Variants in CDH13 observed in about 807,000 individuals in gnomAD.
The protein encoded by CDH13 is cadherin-13.
Under a neutral mutation model 63.8 loss-of-function variants are expected in CDH13, and 24 were observed. The observed-to-expected ratio is 0.38, with a 90% CI of 0.27 to 0.53. The LOEUF is 0.53. CDH13 is among the 20% of genes least tolerant of loss of function. The probability of loss-of-function intolerance (pLI) is 0.85; values close to 1 mark genes in which losing one functional copy is unlikely to be tolerated. For missense variants in CDH13, 1,049 were observed against 903.1 expected, an observed-to-expected ratio of 1.16 and a Z score of -2.07; for synonymous variants, 503 against 355.3, an observed-to-expected ratio of 1.42 and a Z score of -4.67.
intron 3 of CDH13, among the ~76,000 whole-genome samples, chr16:83,080,882 T>TTTTTTTTG (rs2033197739): frequency 3.5e-5 from 4 of 114,900 alleles, no homozygotes; most frequent in Non-Finnish European, 7.1e-5. Flanking sequence ...TTTTTTTTTT[T>TTTTTTTTG]TTTTTTTTTT....
chr16:83,203,561 C>G (rs1309515724), intron 4 of CDH13, among the ~76,000 whole-genome samples: 1 of 149,528 alleles, frequency 6.7e-6, no homozygotes, highest in African/African-American at 2.5e-5. Flanking sequence ...GTGGTGGGTG[C>G]CTGTAGTCCC....
intron 5 of CDH13, among the ~76,000 whole-genome samples, chr16:83,287,289 T>G (rs938497918): frequency 6.6e-6 from 1 of 152,158 alleles, no homozygotes. Flanking sequence ...ACCAAAACTT[T>G]CATTCAGTAA....
intron 3 of CDH13, among the ~76,000 whole-genome samples, chr16:83,033,964 G>A (rs943575673): frequency 2.6e-5 from 4 of 152,022 alleles, no homozygotes; most frequent in African/African-American, 7.2e-5. Context: ...ATCCCTGCTT[G>A]ATCTACTCAT....
intron 2 of CDH13, among the ~76,000 whole-genome samples, chr16:82,980,317 G>C (rs147196355): frequency 6.6e-6 from 1 of 152,274 alleles, no homozygotes; most frequent in East Asian, 1.9e-4. Flanking sequence ...GTCAAAACTA[G>C]AGACTCACAG....
At chr16:83,341,573 T>A (rs1450328772) in intron 5 of CDH13, among the ~76,000 whole-genome samples, 2 of 152,212 alleles carry the variant, frequency 1.3e-5, no homozygotes. Context: ...TTATATATTT[T>A]ATTCAGTCTA....
intron 8 of CDH13, among the ~76,000 whole-genome samples, chr16:83,626,227 C>G (rs1405050679): frequency 2.0e-5 from 3 of 152,168 alleles, no homozygotes; most frequent in African/African-American, 7.2e-5. Flanking sequence ...CCGGTTTCAT[C>G]TTCCTCCTCG....
Position 83,191,609 on chromosome 16 carries a change from G to T in CDH13, c.484-25736G>T, listed in dbSNP as rs191184032. ...TTTATTAAATAGTATCAACTCACAT[G>T]ATCACAAGGTCCCACAATAGGCCAT... On this transcript the variant is annotated intron_variant, in intron 4 of 13. Transcript: ENST00000567109. Among the ~76,000 whole-genome samples, 470 of 145,930 alleles carry T rather than the reference G, an allele frequency of 3.2e-3. 3 individuals are homozygous for T. The highest frequency in any genetic ancestry group is 0.012 in the African/African-American group (455 of 39,414).
chr16:83,541,560 A>C (rs565819918), intron 7 of CDH13, among the ~76,000 whole-genome samples: 1 of 152,312 alleles, frequency 6.6e-6, no homozygotes, highest in South Asian at 2.1e-4. Context: ...ATTTGGTAGA[A>C]GTCATCAAAC....
At chr16:82,910,852 A>T (rs1441866888) in intron 2 of CDH13, among the ~76,000 whole-genome samples, 1 of 152,114 alleles carries the variant, frequency 6.6e-6, no homozygotes, top group Non-Finnish European at 1.5e-5. Context: ...GTTCTTTCTT[A>T]CCCAGAGGGT....
At chr16:83,627,275 G>C (rs1910396704) in intron 8 of CDH13, among the ~76,000 whole-genome samples, 1 of 152,068 alleles carries the variant, frequency 6.6e-6, no homozygotes, top group Admixed American at 6.6e-5. Context: ...GGGCAACAGA[G>C]TGAGACTCCG....
chr16:83,006,536 C>T (rs747705516), intron 2 of CDH13, among the ~76,000 whole-genome samples: 3 of 152,160 alleles, frequency 2.0e-5, no homozygotes, highest in East Asian at 1.9e-4. Flanking sequence ...AGTGCAGCCT[C>T]GATAACACCA....
At chr16:82,951,978 C>T (rs79263218) in intron 2 of CDH13, among the ~76,000 whole-genome samples, 5 of 152,202 alleles carry the variant, frequency 3.3e-5, no homozygotes, top group East Asian at 1.9e-4. Flanking sequence ...CCAACAGGGT[C>T]GTCATCTCAA....
intron 4 of CDH13, among the ~76,000 whole-genome samples, chr16:83,148,312 T>A (rs1393847036): frequency 6.8e-6 from 1 of 147,534 alleles, no homozygotes; most frequent in Non-Finnish European, 1.5e-5. Flanking sequence ...TGGTACCATG[T>A]AGACAACATG....
chr16:82,688,280 T>C (rs1395476661), intron 1 of CDH13, among the ~76,000 whole-genome samples: 17 of 152,138 alleles, frequency 1.1e-4, no homozygotes, highest in Admixed American at 1.1e-3. Context: ...GGGAACATGG[T>C]TTCTGATCTA....
intron 4 of CDH13, among the ~76,000 whole-genome samples, chr16:83,202,589 G>C (rs1321707325): frequency 2.0e-5 from 3 of 152,056 alleles, no homozygotes. Flanking sequence ...ATTTATTTTT[G>C]ATACTATTTA....
chr16:82,911,361 C>T (rs574721473), intron 2 of CDH13, among the ~76,000 whole-genome samples: 1 of 152,280 alleles, frequency 6.6e-6, no homozygotes, highest in East Asian at 1.9e-4. Context: ...TTTCATCATG[C>T]CTCTCCCCTC....
At chr16:83,000,223 A>ATTTAT (rs1912728944) in intron 2 of CDH13, among the ~76,000 whole-genome samples, 1 of 36,986 alleles carries the variant, frequency 2.7e-5, no homozygotes, top group South Asian at 9.3e-4. Context: ...GGTTTAGCTT[A>ATTTAT]TTTTTTTTTT....
chr16:83,131,479 C>G (rs1230126732), intron 4 of CDH13, among the ~76,000 whole-genome samples: 4 of 152,090 alleles, frequency 2.6e-5, no homozygotes, highest in African/African-American at 9.7e-5. Context: ...CCTCCCCCTT[C>G]AAAGTATGAC....
At chr16:82,889,821 T>G (rs9929829) in intron 2 of CDH13, among the ~76,000 whole-genome samples, 1 of 152,054 alleles carries the variant, frequency 6.6e-6, no homozygotes, top group Non-Finnish European at 1.5e-5. Context: ...ACAACTAAAA[T>G]ACGTAAGTCT....
Sources: gnomAD v4.1 joint callset for allele counts (sites outside exome capture counted in the v4.1 genomes callset) on GRCh38, gnomAD v4.1.1 for gene constraint, MANE v1.5 for transcripts, NCBI Gene and HGNC (gene_info 2026-07-23, HGNC 2026-07-21) for gene names.